Variants in DNAH10 observed in about 807,000 individuals in gnomAD.
The protein encoded by DNAH10 is axonemal beta dynein heavy chain 10.
In DNAH10, 348 loss-of-function variants were observed where a neutral mutation model predicts 506.6. The observed-to-expected ratio is 0.69, with a 90% CI of 0.63 to 0.75. DNAH10 has a LOEUF of 0.75. Among genes scored for constraint, DNAH10 ranks in the 30% least tolerant of loss-of-function variants. The probability of loss-of-function intolerance (pLI) is 0.00; values close to 1 mark genes in which losing one functional copy is unlikely to be tolerated. For synonymous variants in DNAH10, 2,059 were observed against 2,198.6 expected, an observed-to-expected ratio of 0.94 and a Z score of 1.78; for missense variants, 5,179 against 5,787.1, an observed-to-expected ratio of 0.89 and a Z score of 3.41.
At chr12:123,872,348 T>C (rs1477406867) in intron 45 of DNAH10, among the ~76,000 whole-genome samples, 1 of 151,960 alleles carries the variant, frequency 6.6e-6, no homozygotes, top group Non-Finnish European at 1.5e-5. Context: ...ACAGGGAGCA[T>C]GGCAGTGTTT....
Position 123,851,103 on chromosome 12 carries a change from G to A in DNAH10, c.6291+27G>A, listed in dbSNP as rs150190836. 8.4e-5 allele frequency: 132 copies of A among 1,571,488 alleles called. No individual in the cohort carries two copies. The Admixed American group carries it at 1.2e-3, about 14-fold the overall frequency. ...TGGGGGGCCTTGGCAGCGCCAGGTC[G>A]TGCAGTGCAGACTTCACCCGGGTCT... On this transcript the variant is annotated intron_variant, in intron 35 of 78. Transcript: ENST00000673944.
At chr12:123,813,702 C>G (rs879876644) in intron 20 of DNAH10, 52 bp from the exon 21 acceptor site, 3 of 1,612,470 alleles carry the variant, frequency 1.9e-6, no homozygotes, top group Admixed American at 1.7e-5. Flanking sequence ...TCATTTGCGC[C>G]ATTACTGTTT....
intron 76 of DNAH10, among the ~76,000 whole-genome samples, chr12:123,932,996 C>T (rs1298766161): frequency 2.6e-5 from 4 of 152,232 alleles, no homozygotes; most frequent in African/African-American, 9.6e-5. Context: ...ATTTTTTCCA[C>T]AGAAAAGCTT....
At chr12:123,777,970 C>T (rs1301373134) in intron 5 of DNAH10, among the ~76,000 whole-genome samples, 1 of 152,100 alleles carries the variant, frequency 6.6e-6, no homozygotes, top group East Asian at 1.9e-4. Flanking sequence ...GCCACACTGG[C>T]TACCTTCTTA....
At chr12:123,910,362 G>A (rs890413211) in intron 58 of DNAH10, among the ~76,000 whole-genome samples, 174 bp from the exon 59 acceptor site, 3 of 152,170 alleles carry the variant, frequency 2.0e-5, no homozygotes, top group African/African-American at 4.8e-5. Context: ...TGAAACATCC[G>A]TTTATGCAGA....
chr12:123,828,282 G>A (rs943089391), intron 25 of DNAH10, among the ~76,000 whole-genome samples: 32 of 152,064 alleles, frequency 2.1e-4, no homozygotes, highest in African/African-American at 5.6e-4. Flanking sequence ...AGGACACAGC[G>A]TAAGAATTAA....
intron 25 of DNAH10, among the ~76,000 whole-genome samples, chr12:123,828,393 C>A (rs753759513): frequency 2.0e-5 from 3 of 152,070 alleles, no homozygotes; most frequent in Non-Finnish European, 4.4e-5. Flanking sequence ...TAGGTCAGAG[C>A]CACACTCTCT....
At position 123,919,583 on chromosome 12, in the gene DNAH10, G is replaced by A. The variant is rs1158327881; in HGVS notation, c.11506+634G>A. Among the ~76,000 whole-genome samples, 2 of 152,112 alleles carry A rather than the reference G, an allele frequency of 1.3e-5. No individual in the cohort carries two copies. Among genetic ancestry groups the A allele is most frequent in the African/African-American group, 2.4e-5 (1 of 41,408 alleles). On this transcript the variant is annotated intron_variant, in intron 65 of 78. Coordinates refer to ENST00000673944, the MANE Select transcript of DNAH10 (RefSeq NM_001372106.1). This position sits in a 1 kb window ranked among gnomAD's most constrained non-coding sequence, Gnocchi z 4.9. ...GCTCCGGAACGTTTCCACCAGCCCC[G>A]AAATGAAATCCCATACCCATTAGCA...
At position 123,851,889 on chromosome 12, in the gene DNAH10, T is replaced by C. The variant is rs147625686; in HGVS notation, c.6291+813T>C. ...CCTGGGCTCAAGTGATCTTCCTGCCTCAGCCTCCTGAGTATTTGGGACCAC... is the reference window on the plus strand; with the variant it reads ...CCTGGGCTCAAGTGATCTTCCTGCCCCAGCCTCCTGAGTATTTGGGACCAC... On this transcript the variant is annotated intron_variant, in intron 35 of 78. Transcript: ENST00000673944. Among the ~76,000 whole-genome samples, 20 of 152,318 alleles carry C rather than the reference T, an allele frequency of 1.3e-4. No individual in the cohort carries two copies. In the East Asian group the frequency reaches 3.1e-3, roughly 23 times the overall value.
At chr12:123,823,086 A>T (rs1178984262) in intron 24 of DNAH10, among the ~76,000 whole-genome samples, 1 of 152,204 alleles carries the variant, frequency 6.6e-6, no homozygotes, top group Non-Finnish European at 1.5e-5. Context: ...GAGGAAGGAG[A>T]GTGGCCCACT....
At chr12:123,839,228 A>AAAC (rs1555228677) in intron 29 of DNAH10, among the ~76,000 whole-genome samples, 1,740 of 151,980 alleles carry the variant, frequency 0.011, 39 homozygotes, top group African/African-American at 0.041. Flanking sequence ...AAAAAAAAAA[A>AAAC]AAACAAAAAA....
Position 123,771,647 on chromosome 12 carries a change from CAGAG to C in DNAH10, c.348_351del (p.Glu117MetfsTer60), listed in dbSNP as rs747014632. 3 of 1,613,636 alleles carry C rather than the reference CAGAG, an allele frequency of 1.9e-6. No homozygotes were observed. Among genetic ancestry groups the C allele is most frequent in the Non-Finnish European group, 2.5e-6 (3 of 1,179,768 alleles). On this transcript the variant is annotated frameshift_variant, in exon 3 of 79. Transcript: ENST00000673944. LOFTEE classifies it high-confidence loss of function. ...CCGAATCTCTAGGCCAACCTCTAAACAGAGAGGATGAAGAAATGGACAAAGAGAT... is the reference window on the plus strand; with the variant it reads ...CCGAATCTCTAGGCCAACCTCTAAACAGGATGAAGAAATGGACAAAGAGAT...
At chr12:123,930,702 G>A in intron 73 of DNAH10, 129 bp downstream of exon 73, 1 of 950,536 alleles carries the variant, frequency 1.1e-6, no homozygotes, top group Non-Finnish European at 1.5e-6. Flanking sequence ...CCTGTTAGGT[G>A]GCTCGGCAGA....
rs779083903 is a variant in DNAH10 at position 123,919,969 on chromosome 12, G to C, written c.11506+1020G>C. 2.0e-5 allele frequency among the ~76,000 whole-genome samples: 3 copies of C among 152,204 alleles called. No individual in the cohort carries two copies. Among genetic ancestry groups the C allele is most frequent in the Non-Finnish European group, 4.4e-5 (3 of 68,046 alleles). On this transcript the variant is annotated intron_variant, in intron 65 of 78. Transcript: ENST00000673944. This position sits in a 1 kb window ranked among gnomAD's most constrained non-coding sequence, Gnocchi z 4.9. ...ATGTGTGTTTTTAATTCTCTTGGGG[G>C]TATATCTAGAAAGGGAACTGCTGGG...
chr12:123,898,945 T>G, intron 56 of DNAH10, 131 bp downstream of exon 56: 1 of 1,353,008 alleles, frequency 7.4e-7, no homozygotes, highest in African/African-American at 1.5e-5. Context: ...TGAAACTGCT[T>G]GTAGGCACTG....
chr12:123,918,815 A>C lies in DNAH10; in HGVS notation c.11372A>C (p.Gln3791Pro), dbSNP rs1227017887. Residue 3791 changes from glutamine (Q) to proline (P), a missense_variant, in exon 65 of 79, where the codon CAG (glutamine) becomes CCG (proline). This residue lies in a region of DNAH10 where 4,844 missense variants were observed against 5,430.5 expected (regional missense o/e 0.89). Transcript: ENST00000673944. ...SEMALVNSMY[Q>P]YSLIAFLEVF... ...ATGGCCCTGGTGAACTCCATGTACC[A>C]GTACTCCCTGATTGCCTTCTTAGAG... 6.2e-7 allele frequency: 1 copy of C among 1,613,968 alleles called. No individual in the cohort carries two copies. The highest frequency in any genetic ancestry group is 1.3e-5 in the African/African-American group (1 of 75,052).
At chr12:123,818,864 C>G (rs1959189877) in intron 21 of DNAH10, 86 bp from the exon 22 acceptor site, 1 of 887,744 alleles carries the variant, frequency 1.1e-6, no homozygotes, top group Non-Finnish European at 1.8e-6. Context: ...AAGCAGAAGT[C>G]CCTGGGAGGT....
chr12:123,783,139 G>A lies in DNAH10; in HGVS notation c.874G>A (p.Val292Met), dbSNP rs1957726612. ...EIKLEMPIIS[V>M]EGEVSDLAAD... ...CAAGTTAGAAATGCCAATCATCAGT[G>A]TGGAGGGAGAGGTGTCTGACCTGGC... Residue 292 changes from valine to methionine, a missense_variant, in exon 7 of 79, where the codon GTG becomes ATG. Transcript: ENST00000673944. 2 of 1,614,062 alleles carry A rather than the reference G, an allele frequency of 1.2e-6. No individual in the cohort carries two copies. Among genetic ancestry groups the A allele is most frequent in the African/African-American group, 1.3e-5 (1 of 74,924 alleles).
At chr12:123,875,586 T>G in intron 47 of DNAH10, 95 bp downstream of exon 47, 1 of 1,467,194 alleles carries the variant, frequency 6.8e-7, no homozygotes, top group Non-Finnish European at 9.3e-7. Context: ...ACAGCAGGGT[T>G]AGGGCCCTCA....
Sources: gnomAD v4.1 joint callset for allele counts (sites outside exome capture counted in the v4.1 genomes callset) on GRCh38, gnomAD v4.1.1 for gene constraint, gnomAD v4.1.1 regional missense constraint, Gnocchi (gnomAD v3.1) non-coding constraint, MANE v1.5 for transcripts, NCBI Gene and HGNC (gene_info 2026-07-23, HGNC 2026-07-21) for gene names.